Variants in CSMD3 observed in about 807,000 individuals in gnomAD.
CSMD3 encodes CUB and sushi domain-containing protein 3.
Under a neutral mutation model 435.2 loss-of-function variants are expected in CSMD3, and 177 were observed. That is an observed-to-expected ratio of 0.41 (90% CI 0.36 to 0.46). The LOEUF (loss-of-function observed/expected upper bound fraction) is 0.46. CSMD3 is among the 20% of genes least tolerant of loss of function. The pLI, the probability that CSMD3 is intolerant of heterozygous loss-of-function variation, is 0.34. For missense variants in CSMD3, 4,265 were observed against 4,504.6 expected, an observed-to-expected ratio of 0.95 and a Z score of 1.52; for synonymous variants, 1,656 against 1,520.5, an observed-to-expected ratio of 1.09 and a Z score of -2.07.
chr8:112,957,627 T>A (rs2084073932), intron 7 of CSMD3, among the ~76,000 whole-genome samples: 1 of 151,938 alleles, frequency 6.6e-6, no homozygotes, highest in African/African-American at 2.4e-5. Flanking sequence ...ATTTTCGTAG[T>A]TATAATAGAG....
chr8:112,461,089 A>T (rs371980725), intron 32 of CSMD3, among the ~76,000 whole-genome samples: 5 of 152,268 alleles, frequency 3.3e-5, no homozygotes, highest in African/African-American at 9.6e-5. Flanking sequence ...CATATGAGTC[A>T]CCAAAACAGA....
At chr8:113,206,249 ATATATATG>A (rs2092769672) in intron 3 of CSMD3, among the ~76,000 whole-genome samples, 1 of 152,116 alleles carries the variant, frequency 6.6e-6, no homozygotes, top group Non-Finnish European at 1.5e-5. Flanking sequence ...TGATACACAA[ATATATATG>A]TATGTGCTTT....
intron 11 of CSMD3, among the ~76,000 whole-genome samples, chr8:112,830,813 G>A (rs1355199802): frequency 7.1e-6 from 1 of 140,626 alleles, no homozygotes; most frequent in South Asian, 2.2e-4. Context: ...TTTAGATGGA[G>A]TCTTGCTCTG....
At chr8:112,522,261 C>T (rs1363555586) in intron 27 of CSMD3, among the ~76,000 whole-genome samples, 9 of 151,726 alleles carry the variant, frequency 5.9e-5, no homozygotes, top group Admixed American at 4.6e-4. Flanking sequence ...TTTCTAACTG[C>T]TTATACGTAG....
intron 2 of CSMD3, among the ~76,000 whole-genome samples, chr8:113,306,312 T>C (rs1184331378): frequency 6.6e-6 from 1 of 152,138 alleles, no homozygotes; most frequent in Admixed American, 6.6e-5. Context: ...GTTCCAACTC[T>C]GAAGGGAGAA....
chr8:112,952,438 T>G (rs927380248), intron 8 of CSMD3, among the ~76,000 whole-genome samples: 4 of 151,800 alleles, frequency 2.6e-5, no homozygotes, highest in Non-Finnish European at 4.4e-5. Context: ...AAACTTTCTT[T>G]TTAATTATTT....
chr8:112,608,624 GT>G (rs1832983206), intron 22 of CSMD3, among the ~76,000 whole-genome samples: 2 of 151,688 alleles, frequency 1.3e-5, no homozygotes, highest in South Asian at 4.2e-4. Context: ...ACACGTATGT[GT>G]TTTTATATAA....
chr8:112,531,352 T>C (rs1825516796), intron 27 of CSMD3, among the ~76,000 whole-genome samples: 1 of 151,934 alleles, frequency 6.6e-6, no homozygotes, highest in South Asian at 2.1e-4. Context: ...CCTGAGGCTA[T>C]CAATAAACAT....
At chr8:112,604,783 A>G (rs2131435139) in intron 22 of CSMD3, among the ~76,000 whole-genome samples, 1 of 152,304 alleles carries the variant, frequency 6.6e-6, no homozygotes, top group Middle Eastern at 3.4e-3. Context: ...AAATTAACAA[A>G]GAGGACCTAA....
At chr8:112,533,154 A>T (rs1825703539) in intron 27 of CSMD3, among the ~76,000 whole-genome samples, 1 of 152,074 alleles carries the variant, frequency 6.6e-6, no homozygotes, top group African/African-American at 2.4e-5. Context: ...ATTCAAACAT[A>T]CTAACTTTGT....
chr8:112,632,593 G>A (rs951286086), intron 22 of CSMD3, among the ~76,000 whole-genome samples: 1 of 151,892 alleles, frequency 6.6e-6, no homozygotes, highest in Admixed American at 6.6e-5. Flanking sequence ...TCATTAGCTC[G>A]TTGTTTATTT....
intron 22 of CSMD3, among the ~76,000 whole-genome samples, chr8:112,615,292 A>G (rs1833579203): frequency 6.6e-6 from 1 of 152,114 alleles, no homozygotes; most frequent in South Asian, 2.1e-4. Flanking sequence ...GCTTTGAACC[A>G]TGACAGTATA....
chr8:113,275,620 A>T (rs2093563698), intron 3 of CSMD3, among the ~76,000 whole-genome samples: 1 of 152,038 alleles, frequency 6.6e-6, no homozygotes, highest in Non-Finnish European at 1.5e-5. Flanking sequence ...AGTTTTTTAA[A>T]AATAGTAAAT....
chr8:113,214,997 A>G (rs2092885105), intron 3 of CSMD3, among the ~76,000 whole-genome samples: 1 of 151,938 alleles, frequency 6.6e-6, no homozygotes, highest in Admixed American at 6.6e-5. Flanking sequence ...TTTTAAAACA[A>G]TGATAGTGTA....
chr8:112,422,243 T>A (rs950716490), intron 32 of CSMD3, among the ~76,000 whole-genome samples: 1 of 152,160 alleles, frequency 6.6e-6, no homozygotes. Context: ...TATTTTATAA[T>A]TTATTTATAA....
intron 38 of CSMD3, among the ~76,000 whole-genome samples, chr8:112,370,014 A>AGAAGAG (rs1554658391): frequency 2.7e-4 from 31 of 112,770 alleles, no homozygotes; most frequent in African/African-American, 8.6e-4. Context: ...AGGAAGAGGA[A>AGAAGAG]GAAGAAGAGG....
rs2132138610 is a variant in CSMD3, at chr8:112,759,104, AG to A, written c.1972+41057del. Among the ~76,000 whole-genome samples, 3 of 152,288 alleles carry A rather than the reference AG, an allele frequency of 2.0e-5. No individual in the cohort carries two copies. In the South Asian group the frequency reaches 6.2e-4, roughly 32 times the overall value. ...TAGTTTTGCATTACTCTATTACACA[AG>A]CTTTGGTTTAATTAAGGCAAGTTAG... On this transcript the variant is annotated intron_variant, in intron 13 of 70. Coordinates refer to ENST00000297405, the MANE Select transcript of CSMD3 (RefSeq NM_198123.2).
intron 18 of CSMD3, among the ~76,000 whole-genome samples, chr8:112,652,109 T>G (rs1471112629): frequency 6.6e-6 from 1 of 152,200 alleles, no homozygotes; most frequent in Non-Finnish European, 1.5e-5. Context: ...CTATGGCTAA[T>G]GGCACCATGT....
At chr8:113,037,358 T>A (rs925272277) in intron 5 of CSMD3, among the ~76,000 whole-genome samples, 1 of 152,134 alleles carries the variant, frequency 6.6e-6, no homozygotes, top group Non-Finnish European at 1.5e-5. Flanking sequence ...TTCCAATATA[T>A]TTTTAAAAAT....
Sources: allele counts gnomAD v4.1 joint callset (sites outside exome capture counted in the v4.1 genomes callset), GRCh38; gene constraint gnomAD v4.1.1; transcripts MANE v1.5; gene names NCBI Gene and HGNC (gene_info 2026-07-23, HGNC 2026-07-21).